Variants in SIPA1L3 observed in about 807,000 individuals in gnomAD.
SIPA1L3 encodes signal induced proliferation associated 1 like 3, also known as signal-induced proliferation-associated 1-like protein 3.
A neutral mutation model predicts 150.1 loss-of-function variants in SIPA1L3; 59 were observed. That is an observed-to-expected ratio of 0.39 (90% CI 0.32 to 0.49). SIPA1L3 has a LOEUF of 0.49. Among genes scored for constraint, SIPA1L3 ranks in the 20% least tolerant of loss-of-function variants. The pLI, the probability that SIPA1L3 is intolerant of heterozygous loss-of-function variation, is 0.86. For missense variants in SIPA1L3, 2,211 were observed against 2,489.5 expected, an observed-to-expected ratio of 0.89 and a Z score of 2.38; for synonymous variants, 1,070 against 1,077.6, an observed-to-expected ratio of 0.99 and a Z score of 0.14.
chr19:38,094,315 C>G (rs1970329610), intron 4 of SIPA1L3, among the ~76,000 whole-genome samples: 1 of 152,158 alleles, frequency 6.6e-6, no homozygotes, highest in Admixed American at 6.6e-5. Flanking sequence ...ATGGTGCAGT[C>G]ATAGCTCACT....
intron 1 of SIPA1L3, among the ~76,000 whole-genome samples, chr19:37,974,321 G>A (rs1568485316): frequency 6.6e-6 from 1 of 151,938 alleles, no homozygotes; most frequent in East Asian, 1.9e-4. Context: ...GGAGTTCAAG[G>A]TCAGCCTAGG....
intron 16 of SIPA1L3, among the ~76,000 whole-genome samples, chr19:38,184,047 C>G (rs1183176849): frequency 2.0e-5 from 3 of 152,130 alleles, no homozygotes; most frequent in African/African-American, 7.2e-5. Context: ...TTTTGTTTTT[C>G]AGTCGGAGGA....
chr19:38,159,602 A>T (rs1972030269), intron 13 of SIPA1L3, among the ~76,000 whole-genome samples: 1 of 152,242 alleles, frequency 6.6e-6, no homozygotes, highest in African/African-American at 2.4e-5. Context: ...GGTGAAGCCA[A>T]GGGAGGAGGC....
intron 13 of SIPA1L3, among the ~76,000 whole-genome samples, chr19:38,154,328 G>A (rs1971894208): frequency 6.6e-6 from 1 of 152,242 alleles, no homozygotes; most frequent in Admixed American, 6.5e-5. Flanking sequence ...GCCTAGAGCA[G>A]TGTTGCTAGG....
intron 1 of SIPA1L3, among the ~76,000 whole-genome samples, chr19:37,965,945 G>A (rs1320547674): frequency 2.6e-5 from 4 of 152,058 alleles, no homozygotes; most frequent in South Asian, 4.2e-4. Flanking sequence ...GTGTGCGGTG[G>A]GCACTTGGGG....
At chr19:38,043,166 C>G (rs1234100986) in intron 2 of SIPA1L3, among the ~76,000 whole-genome samples, 1 of 152,062 alleles carries the variant, frequency 6.6e-6, no homozygotes. Context: ...ATGGTGAAAC[C>G]CCATCTCTAC....
At chr19:38,073,414 G>A (rs185194190) in intron 2 of SIPA1L3, among the ~76,000 whole-genome samples, 27 of 152,324 alleles carry the variant, frequency 1.8e-4, no homozygotes, top group South Asian at 6.2e-4. Context: ...GCAAAGCACC[G>A]TTGGATAGTC....
At chr19:38,071,369 C>A (rs1261117418) in intron 2 of SIPA1L3, among the ~76,000 whole-genome samples, 1 of 152,124 alleles carries the variant, frequency 6.6e-6, no homozygotes, top group East Asian at 1.9e-4. Context: ...TCACTGCCAC[C>A]TCCCTCTCCC....
rs181778695 is a variant in SIPA1L3 at position 38,151,605 on chromosome 19, G to A, written c.3534-1235G>A. Among the ~76,000 whole-genome samples, 13 of 152,144 alleles carry A rather than the reference G, an allele frequency of 8.5e-5. No homozygotes were observed. The East Asian group carries it at 9.7e-4, about 11-fold the overall frequency. On this transcript the variant is annotated intron_variant, in intron 12 of 21. Transcript: ENST00000222345. Reference sequence around the variant, plus strand: ...AGGGAGAAGACCTTCTACCACAACCGGCTGTGATCCAAGGAGGACTGGACG... The same window carrying A: ...AGGGAGAAGACCTTCTACCACAACCAGCTGTGATCCAAGGAGGACTGGACG...
At chr19:38,202,116 G>C (rs1255707903) in intron 20 of SIPA1L3, 119 bp downstream of exon 20, 8 of 981,744 alleles carry the variant, frequency 8.1e-6, no homozygotes, top group Non-Finnish European at 1.2e-5. Context: ...GGCGGAAGCT[G>C]ATATAGCAGC....
At chr19:38,158,610 G>A (rs529024672) in intron 13 of SIPA1L3, among the ~76,000 whole-genome samples, 22 of 152,342 alleles carry the variant, frequency 1.4e-4, no homozygotes, top group Middle Eastern at 3.4e-3. Flanking sequence ...GGTGGGGTGG[G>A]AGCAGGACCA....
chr19:37,975,446 G>A (rs1005344519), intron 1 of SIPA1L3, among the ~76,000 whole-genome samples: 10 of 152,078 alleles, frequency 6.6e-5, no homozygotes, highest in Non-Finnish European at 1.5e-4. Context: ...GGAGACGGCT[G>A]CAAGTCGAGG....
chr19:38,198,679 T>A, intron 19 of SIPA1L3, 147 bp downstream of exon 19: 1 of 807,324 alleles, frequency 1.2e-6, no homozygotes, highest in Non-Finnish European at 1.7e-6. Context: ...GTCACTTGCT[T>A]ACCATGCAGC....
intron 8 of SIPA1L3, among the ~76,000 whole-genome samples, chr19:38,116,196 G>A (rs955670083): frequency 1.3e-5 from 2 of 152,046 alleles, no homozygotes; most frequent in African/African-American, 4.8e-5. Context: ...TTAACTTATT[G>A]CATCACCCTG....
At chr19:38,017,823 C>G (rs1968273362) in intron 1 of SIPA1L3, among the ~76,000 whole-genome samples, 1 of 152,160 alleles carries the variant, frequency 6.6e-6, no homozygotes, top group Non-Finnish European at 1.5e-5. Context: ...AACCACCATG[C>G]CTGGCCTCTC....
intron 1 of SIPA1L3, among the ~76,000 whole-genome samples, chr19:37,991,922 G>A (rs1170099272): frequency 6.6e-6 from 1 of 152,176 alleles, no homozygotes; most frequent in African/African-American, 2.4e-5. Context: ...GCATGACCTG[G>A]GGCAGGTACT....
chr19:38,202,830 A>C (rs1456320101), intron 20 of SIPA1L3, among the ~76,000 whole-genome samples: 2 of 152,082 alleles, frequency 1.3e-5, no homozygotes, highest in Admixed American at 1.3e-4. Flanking sequence ...GGCCCTCAGG[A>C]AGCTTCACGG....
At chr19:38,191,518 A>G (rs772922117) in intron 16 of SIPA1L3, among the ~76,000 whole-genome samples, 4 of 151,732 alleles carry the variant, frequency 2.6e-5, no homozygotes, top group Non-Finnish European at 5.9e-5. Flanking sequence ...GACTGACAAT[A>G]GGCAAAGACA....
intron 9 of SIPA1L3, among the ~76,000 whole-genome samples, chr19:38,123,188 G>T (rs1274692671): frequency 6.6e-6 from 1 of 152,100 alleles, no homozygotes; most frequent in Non-Finnish European, 1.5e-5. Flanking sequence ...TCACTTCGCA[G>T]ATGAGGAAAC....
Sources: allele counts gnomAD v4.1 joint callset (sites outside exome capture counted in the v4.1 genomes callset), GRCh38; gene constraint gnomAD v4.1.1; transcripts MANE v1.5; gene names NCBI Gene and HGNC (gene_info 2026-07-23, HGNC 2026-07-21).